Variants in MYH10 observed in about 807,000 individuals in gnomAD.
MYH10 encodes myosin heavy chain 10, also known as myosin-10.
MYH10 carries 55 observed loss-of-function variants against 257.8 expected under a neutral mutation model. The observed-to-expected ratio is 0.21, with a 90% CI of 0.17 to 0.27. The LOEUF (loss-of-function observed/expected upper bound fraction) is 0.27. Ranked by LOEUF, MYH10 falls within the 10% of genes least tolerant of loss-of-function variation. The pLI is 1.00. For missense variants in MYH10, 1,631 were observed against 2,500.6 expected (o/e 0.65, Z 7.42); for synonymous variants, 854 against 921.7 (o/e 0.93, Z 1.33).
rs904968729 is a variant in MYH10, at chr17:8,516,955, G to A, written c.2504+1676C>T. ...AGATCGAGACCATCCTGGCTAACAC[G>A]GCGAAACCCCATCTCTACTAAAAAA... is the stretch of plus-strand genomic sequence containing the variant. On this transcript the variant is annotated intron_variant, in intron 21 of 42. Transcript: ENST00000360416. 1.4e-4 allele frequency among the ~76,000 whole-genome samples: 21 copies of A among 152,080 alleles called. 1 individual carries two copies. The South Asian group carries it at 3.7e-3, about 27-fold the overall frequency.
intron 25 of MYH10, 69 bp downstream of exon 25, chr17:8,509,743 G>GT: frequency 2.8e-6 from 4 of 1,435,904 alleles, no homozygotes; most frequent in Non-Finnish European, 3.7e-6. Flanking sequence ...TTCAATGAGT[G>GT]TATCAACATA....
At chr17:8,495,318 AAC>A in intron 30 of MYH10, 77 bp from the exon 31 acceptor site, 1 of 912,700 alleles carries the variant, frequency 1.1e-6, no homozygotes, top group Non-Finnish European at 1.8e-6. Context: ...TTTTAAACAG[AAC>A]ACAGAGAAGA....
intron 3 of MYH10, among the ~76,000 whole-genome samples, chr17:8,601,277 T>C (rs1201212170): frequency 6.6e-6 from 1 of 152,138 alleles, no homozygotes; most frequent in South Asian, 2.1e-4. Context: ...TCACTGTGGG[T>C]ACTCCTAGGT....
chr17:8,510,808 G>C (rs1006360540), intron 24 of MYH10, among the ~76,000 whole-genome samples: 13 of 152,002 alleles, frequency 8.6e-5, no homozygotes, highest in African/African-American at 3.1e-4. Flanking sequence ...CTCAGTTCAA[G>C]TGTACCTTTC....
At chr17:8,593,551 T>G (rs994697483) in intron 3 of MYH10, among the ~76,000 whole-genome samples, 1 of 152,146 alleles carries the variant, frequency 6.6e-6, no homozygotes, top group Non-Finnish European at 1.5e-5. Flanking sequence ...GAAATTGAAA[T>G]TTTGAAAGTT....
chr17:8,518,553 C>A, intron 21 of MYH10, 78 bp downstream of exon 21: 16 of 1,465,416 alleles, frequency 1.1e-5, no homozygotes, highest in Non-Finnish European at 1.5e-5. Context: ...CACACTCTTG[C>A]ACCCCAGGTC....
Position 8,484,106 on chromosome 17 carries a change from T to C in MYH10, c.5175+32A>G, listed in dbSNP as rs762607377. 8 of 1,460,318 alleles carry C rather than the reference T, an allele frequency of 5.5e-6. No homozygotes were observed. In the South Asian group the frequency reaches 9.2e-5, roughly 17 times the overall value. The allele number at this position is 1,460,318 out of a possible 1,614,324, so 90.5% of individuals were successfully genotyped here. ...GGAGAAATTTCAAGGGCAAATATAT[T>C]TGTTGAACAAATGGATAAGTAACAA... On this transcript the variant is annotated intron_variant, in intron 37 of 42. Transcript: ENST00000360416.
intron 7 of MYH10, among the ~76,000 whole-genome samples, chr17:8,562,927 T>G (rs967883840): frequency 6.6e-6 from 1 of 152,252 alleles, no homozygotes; most frequent in African/African-American, 2.4e-5. Context: ...GACATCGATT[T>G]CTAGAATCTT....
chr17:8,500,356 G>A (rs959193279), intron 29 of MYH10, among the ~76,000 whole-genome samples: 4 of 152,174 alleles, frequency 2.6e-5, no homozygotes, highest in Non-Finnish European at 5.9e-5. Context: ...TACAGAAGCG[G>A]GAACAATGAA....
Position 8,518,631 on chromosome 17 carries a change from T to C in MYH10, c.2504A>G (p.Lys835Arg). Reference sequence around the variant, plus strand: ...GATTAATTCGTGAATACCCACTCACTTTCTGGCCAGGTAACCTCTGCAAAC... The same window carrying C: ...GATTAATTCGTGAATACCCACTCACCTTCTGGCCAGGTAACCTCTGCAAAC... Reference protein sequence around the residue: ...QAVCRGYLARKAFAKKQQQLS... With the variant: ...QAVCRGYLARRAFAKKQQQLS... Residue 835 changes from lysine to arginine, a missense_variant and splice_region_variant, in exon 21 of 43, where the codon AAG (lysine) becomes AGG (arginine). This residue lies in a region of MYH10 where 116 missense variants were observed against 221.6 expected (regional missense o/e 0.52). Coordinates refer to ENST00000360416, the MANE Select transcript of MYH10 (RefSeq NM_001256012.3). The C allele has an allele frequency of 1.2e-6, 2 of 1,610,960 alleles. No homozygotes were observed. The highest frequency in any genetic ancestry group is 1.7e-5 in the Admixed American group (1 of 59,212).
intron 7 of MYH10, among the ~76,000 whole-genome samples, chr17:8,564,472 T>G (rs1038407901): frequency 2.0e-5 from 3 of 152,230 alleles, no homozygotes; most frequent in African/African-American, 4.8e-5. Context: ...CTACCCTTGC[T>G]TCTAAAATGG....
At chr17:8,494,187 C>T (rs1916220553) in intron 31 of MYH10, among the ~76,000 whole-genome samples, 1 of 152,134 alleles carries the variant, frequency 6.6e-6, no homozygotes, top group South Asian at 2.1e-4. Flanking sequence ...CACACCCCGC[C>T]TCTCCTCAGT....
Position 8,535,787 on chromosome 17 carries a change from C to T in MYH10, c.1750G>A (p.Asp584Asn). 1.2e-6 allele frequency: 2 copies of T among 1,614,084 alleles called. No homozygotes were observed. Among genetic ancestry groups the T allele is most frequent in the Non-Finnish European group, 1.7e-6 (2 of 1,180,002 alleles). ...CCTGCATAATGTATAATGCAAAAATCAGCTTTGTCTTTTAATTGTCGAGGT... is the reference window on the plus strand; with the variant it reads ...CCTGCATAATGTATAATGCAAAAATTAGCTTTGTCTTTTAATTGTCGAGGT... The part of the protein sequence containing the change: ...QKPRQLKDKA[D>N]FCIIHYAGKV... Residue 584 changes from aspartate (D) to asparagine (N), a missense_variant, in exon 15 of 43, where the codon GAT becomes AAT. By Grantham distance (23) the Asp-to-Asn change is conservative (BLOSUM62 1). This residue lies in a region of MYH10 where 63 missense variants were observed against 167.9 expected (regional missense o/e 0.38). Transcript: ENST00000360416. The surrounding 1 kb of genome is among the most constrained non-coding windows in gnomAD (Gnocchi z 4.3).
chr17:8,625,614 G>A (rs909824510), intron 1 of MYH10, among the ~76,000 whole-genome samples: 1 of 152,042 alleles, frequency 6.6e-6, no homozygotes, highest in South Asian at 2.1e-4. Context: ...CAAGTAGCTG[G>A]GATTACAGGC....
At chr17:8,498,753 C>G (rs1434821542) in intron 30 of MYH10, among the ~76,000 whole-genome samples, 4 of 151,832 alleles carry the variant, frequency 2.6e-5, no homozygotes, top group Admixed American at 6.6e-5. Flanking sequence ...GAGACTGAGG[C>G]AGGAGAATAG....
At chr17:8,494,178 ACACCCCGCCT>A (rs376759397) in intron 31 of MYH10, among the ~76,000 whole-genome samples, 1 of 140,758 alleles carries the variant, frequency 7.1e-6, no homozygotes, top group African/African-American at 2.7e-5. Context: ...GTCCCCCACC[ACACCCCGCCT>A]CTCCTCAGTC....
intron 14 of MYH10, among the ~76,000 whole-genome samples, chr17:8,541,364 A>G (rs766329737): frequency 6.6e-6 from 1 of 152,222 alleles, no homozygotes; most frequent in East Asian, 1.9e-4. Context: ...GTGGTTAATC[A>G]TGTTTTAGTT....
chr17:8,519,637 T>C (rs1321701983), intron 19 of MYH10, among the ~76,000 whole-genome samples: 1 of 151,930 alleles, frequency 6.6e-6, no homozygotes. Flanking sequence ...GACTTCATCA[T>C]ACAATGGGAT....
intron 17 of MYH10, among the ~76,000 whole-genome samples, chr17:8,527,544 A>T (rs756721767): frequency 6.6e-6 from 1 of 152,194 alleles, no homozygotes; most frequent in Non-Finnish European, 1.5e-5. Context: ...GTACCTTGGG[A>T]CACTATGAGC....
Sources: gnomAD v4.1 joint callset for allele counts (sites outside exome capture counted in the v4.1 genomes callset) on GRCh38, gnomAD v4.1.1 for gene constraint, gnomAD v4.1.1 regional missense constraint, Gnocchi (gnomAD v3.1) non-coding constraint, MANE v1.5 for transcripts, NCBI Gene and HGNC (gene_info 2026-07-23, HGNC 2026-07-21) for gene names.